Variants in SNX30 observed in about 807,000 individuals in gnomAD.
The protein encoded by SNX30 is sorting nexin-30.
Under a neutral mutation model 46.4 loss-of-function variants are expected in SNX30, and 24 were observed. The observed-to-expected ratio is 0.52, with a 90% CI of 0.37 to 0.73. SNX30 has a LOEUF of 0.73. Ranked by LOEUF, SNX30 falls within the 30% of genes least tolerant of loss-of-function variation. The probability of loss-of-function intolerance (pLI) is 0.00; values close to 1 mark genes in which losing one functional copy is unlikely to be tolerated. For synonymous variants in SNX30, 189 were observed against 211.5 expected, an observed-to-expected ratio of 0.89 and a Z score of 0.92; for missense variants, 533 against 555.7, an observed-to-expected ratio of 0.96 and a Z score of 0.41.
At chr9:112,806,101 G>T (rs950773872) in intron 2 of SNX30, among the ~76,000 whole-genome samples, 1 of 152,066 alleles carries the variant, frequency 6.6e-6, no homozygotes, top group African/African-American at 2.4e-5. Flanking sequence ...TCTTTGCTGT[G>T]GGGGGCTGTC....
chr9:112,845,358 C>T (rs1025414450), intron 6 of SNX30, among the ~76,000 whole-genome samples: 7 of 152,186 alleles, frequency 4.6e-5, no homozygotes, highest in Non-Finnish European at 1.0e-4. Context: ...ACCGCGGAAC[C>T]CTCCAAAAAG....
intron 4 of SNX30, among the ~76,000 whole-genome samples, chr9:112,834,579 G>A (rs1430872766): frequency 6.6e-6 from 1 of 152,156 alleles, no homozygotes; most frequent in Non-Finnish European, 1.5e-5. Flanking sequence ...CTCTCCAGAA[G>A]TTCTCTAAAC....
chr9:112,865,179 G>C (rs1214392121), intron 8 of SNX30, among the ~76,000 whole-genome samples: 7 of 73,124 alleles, frequency 9.6e-5, no homozygotes, highest in Admixed American at 2.1e-4. Context: ...CCCCACACAC[G>C]ACACCCACAC....
chr9:112,811,313 G>T (rs910700609), intron 2 of SNX30, among the ~76,000 whole-genome samples: 1 of 152,172 alleles, frequency 6.6e-6, no homozygotes, highest in African/African-American at 2.4e-5. Context: ...CCCAGCTGTG[G>T]CCTGGACAGA....
intron 3 of SNX30, among the ~76,000 whole-genome samples, chr9:112,826,529 A>ATAC (rs1840581614): frequency 6.6e-6 from 1 of 152,194 alleles, no homozygotes; most frequent in African/African-American, 2.4e-5. Flanking sequence ...GATGTTGAAG[A>ATAC]TACAGGGAAG....
chr9:112,805,019 G>A, intron 2 of SNX30, 52 bp downstream of exon 2: 1 of 1,430,626 alleles, frequency 7.0e-7, no homozygotes, highest in Non-Finnish European at 9.4e-7. Context: ...GGGGAATTGG[G>A]GTCTACCTCA....
downstream of SNX30, among the ~76,000 whole-genome samples, chr9:112,882,138 G>A (rs11789556): frequency 3.9e-4 from 59 of 152,188 alleles, no homozygotes; most frequent in Non-Finnish European, 6.8e-4. Context: ...ACAGAGTCTT[G>A]CTCTGTCACC....
At position 112,873,536 on chromosome 9, in the gene SNX30, G is replaced by A. The variant is rs540195279; in HGVS notation, c.*4693G>A. 3.3e-5 allele frequency: 5 copies of A among 152,310 alleles called. No homozygotes were observed. The South Asian group carries it at 1.0e-3, about 32-fold the overall frequency. 9.4% of individuals were successfully genotyped at this position (152,310 alleles called of 1,614,324 possible). On this transcript the variant is annotated 3_prime_UTR_variant, in exon 9 of 9. Transcript: ENST00000374232. ...CCCCTAAAGAAACAAGCAAGAAAGT[G>A]AGGGCCATCACTAGGGTTGGCTTTG...
chr9:112,837,483 G>GT (rs768357470), intron 5 of SNX30, among the ~76,000 whole-genome samples: 153 of 148,456 alleles, frequency 1.0e-3, no homozygotes, highest in East Asian at 7.5e-3. Flanking sequence ...TTGGTTTTTG[G>GT]TTTTTTTTTT....
chr9:112,796,622 G>T (rs1170522262), intron 1 of SNX30, among the ~76,000 whole-genome samples: 1 of 152,288 alleles, frequency 6.6e-6, no homozygotes, highest in East Asian at 1.9e-4. Flanking sequence ...CTATTGCCAT[G>T]AGTACCTTCT....
At chr9:112,882,765 CAGG>C (rs775877642), downstream of SNX30, among the ~76,000 whole-genome samples, 102 of 152,128 alleles carry the variant, frequency 6.7e-4, no homozygotes, top group South Asian at 1.2e-3. Flanking sequence ...ATTGGAAAGA[CAGG>C]AGTGTTAGCA....
chr9:112,770,331 C>G (rs948200129), intron 1 of SNX30, among the ~76,000 whole-genome samples: 5 of 151,770 alleles, frequency 3.3e-5, no homozygotes, highest in Admixed American at 3.3e-4. Flanking sequence ...GCCACCACAC[C>G]CGACTAATTT....
At chr9:112,832,086 G>T (rs1295191088) in intron 4 of SNX30, among the ~76,000 whole-genome samples, 2 of 152,166 alleles carry the variant, frequency 1.3e-5, no homozygotes, top group African/African-American at 4.8e-5. Context: ...GAAGCCGCAT[G>T]ACAGAGTCCT....
chr9:112,768,992 G>A (rs2131361549), intron 1 of SNX30, among the ~76,000 whole-genome samples: 1 of 152,204 alleles, frequency 6.6e-6, no homozygotes, highest in Admixed American at 6.5e-5. Flanking sequence ...TGACTTAGGA[G>A]AATTCTCTAA....
chr9:112,885,309 T>C (rs1841628690), downstream of SNX30: 1 of 152,108 alleles, frequency 6.6e-6, no homozygotes, highest in Non-Finnish European at 1.5e-5. Context: ...TATTTTCTAC[T>C]CTGCTGCCTA....
chr9:112,760,915 T>C (rs1034534066), intron 1 of SNX30, among the ~76,000 whole-genome samples: 1 of 152,040 alleles, frequency 6.6e-6, no homozygotes, highest in African/African-American at 2.4e-5. Flanking sequence ...TGGAGGGGGC[T>C]TTCAGATGTG....
At chr9:112,875,079 T>C (rs1171298953), downstream of SNX30, 7 of 152,268 alleles carry the variant, frequency 4.6e-5, no homozygotes, top group Non-Finnish European at 1.0e-4. Flanking sequence ...TTACAAGTTT[T>C]CAGTTTGCCT....
At chr9:112,780,534 C>T (rs956640689) in intron 1 of SNX30, among the ~76,000 whole-genome samples, 5 of 152,182 alleles carry the variant, frequency 3.3e-5, no homozygotes, top group Non-Finnish European at 7.3e-5. Context: ...TCTATTTGCA[C>T]TTCTGGAAGC....
intron 3 of SNX30, among the ~76,000 whole-genome samples, chr9:112,828,679 C>G (rs1476375782): frequency 6.6e-6 from 1 of 152,172 alleles, no homozygotes; most frequent in Non-Finnish European, 1.5e-5. Flanking sequence ...TGGCAGTGTT[C>G]TCTCTGTCAA....
Sources: allele counts gnomAD v4.1 joint callset (sites outside exome capture counted in the v4.1 genomes callset), GRCh38; gene constraint gnomAD v4.1.1; transcripts MANE v1.5; gene names NCBI Gene and HGNC (gene_info 2026-07-23, HGNC 2026-07-21).